Variants in S100Z observed in about 807,000 individuals in gnomAD.
S100Z encodes the protein S100 calcium binding protein Z.
In S100Z, 11 loss-of-function variants were observed where a neutral mutation model predicts 8.5. The observed-to-expected ratio is 1.30, with a 90% CI of 0.82 to 2.15. The LOEUF is 2.15. S100Z is among the 30% of genes most tolerant of loss of function. The pLI, the probability that S100Z is intolerant of heterozygous loss-of-function variation, is 0.00. For missense variants in S100Z, 126 were observed against 117.9 expected, an observed-to-expected ratio of 1.07 and a Z score of -0.32; for synonymous variants, 34 against 43.8, an observed-to-expected ratio of 0.78 and a Z score of 0.89.
intron 4 of S100Z, among the ~76,000 whole-genome samples, chr5:76,919,595 T>C (rs1308143310): frequency 7.6e-6 from 1 of 131,294 alleles, no homozygotes; most frequent in Non-Finnish European, 1.6e-5. Context: ...TCTCTCCCTC[T>C]CTTTCTTTTT....
intron 4 of S100Z, among the ~76,000 whole-genome samples, chr5:76,884,988 C>T (rs567076087): frequency 4.6e-5 from 7 of 152,252 alleles, no homozygotes; most frequent in African/African-American, 9.6e-5. Context: ...AATGCCTGGA[C>T]GTCAGGCACC....
At chr5:76,851,020 G>T (rs1001898907) in intron 1 of S100Z, among the ~76,000 whole-genome samples, 6 of 152,118 alleles carry the variant, frequency 3.9e-5, no homozygotes, top group South Asian at 2.1e-4. Flanking sequence ...TGCCTAGAAG[G>T]GTGCTTGGCC....
chr5:76,906,805 G>C (rs1457299774), intron 4 of S100Z, among the ~76,000 whole-genome samples: 2 of 151,184 alleles, frequency 1.3e-5, no homozygotes, highest in East Asian at 3.9e-4. Context: ...GCTAATTTTT[G>C]TGTTTTTAGT....
rs1336674015 is a variant in S100Z at position 76,919,907 on chromosome 5, A to T, written c.*3-810A>T. Among the ~76,000 whole-genome samples, 199 of 122,172 alleles carry T rather than the reference A, an allele frequency of 1.6e-3. 1 individual carries two copies. The highest frequency in any genetic ancestry group is 3.9e-3 in the African/African-American group (127 of 32,824). The allele number at this position is 122,172 out of a possible 152,430, so 80.1% of individuals were successfully genotyped here. ...GTGTGAACCACCATGCCCAGCTTTC[A>T]TTTTTTTTTTTTTTTTTTTGAGACA... On this transcript the variant is annotated intron_variant, in intron 4 of 4. Coordinates refer to ENST00000317593, the MANE Select transcript of S100Z (RefSeq NM_130772.4).
chr5:76,916,022 G>A (rs1008925973), intron 4 of S100Z, among the ~76,000 whole-genome samples: 3 of 151,984 alleles, frequency 2.0e-5, no homozygotes, highest in Non-Finnish European at 4.4e-5. Flanking sequence ...TTAGCTGGGC[G>A]TGGAGGTACA....
intron 4 of S100Z, among the ~76,000 whole-genome samples, chr5:76,910,948 T>G (rs1744632152): frequency 6.6e-6 from 1 of 152,172 alleles, no homozygotes; most frequent in South Asian, 2.1e-4. Context: ...TTGTTATGCC[T>G]GAAAGTCCCA....
chr5:76,869,734 T>C (rs1223858617), intron 1 of S100Z, among the ~76,000 whole-genome samples: 1 of 152,060 alleles, frequency 6.6e-6, no homozygotes. Context: ...ATTTAAGAAT[T>C]GTGGCTGGGT....
chr5:76,902,351 G>A (rs1744256245), intron 4 of S100Z, among the ~76,000 whole-genome samples: 1 of 152,208 alleles, frequency 6.6e-6, no homozygotes, highest in South Asian at 2.1e-4. Context: ...ACAGAGTGCT[G>A]TAGCGCTCTG....
the S100Z span, among the ~76,000 whole-genome samples, chr5:76,946,519 C>A: frequency 6.6e-6 from 1 of 152,062 alleles, no homozygotes; most frequent in Non-Finnish European, 1.5e-5. Context: ...TTTTGAAATG[C>A]AGTTCTGTAA....
downstream of S100Z, among the ~76,000 whole-genome samples, chr5:76,923,005 T>C (rs562343581): frequency 7.6e-6 from 1 of 131,284 alleles, no homozygotes; most frequent in East Asian, 2.2e-4. Flanking sequence ...GCCCCTACAA[T>C]GCCTATGTAA....
intron 4 of S100Z, among the ~76,000 whole-genome samples, chr5:76,889,170 GCCCCCTT>G (rs1743769218): frequency 2.6e-5 from 4 of 152,178 alleles, no homozygotes; most frequent in African/African-American, 7.2e-5. Flanking sequence ...CGGCTTTGGA[GCCCCCTT>G]CCCTCTGTCT....
At position 76,890,649 on chromosome 5, in the gene S100Z, AAAAC is replaced by A. The variant is rs889497434; in HGVS notation, c.*2+12831_*2+12834del. Among the ~76,000 whole-genome samples, 224 of 152,238 alleles carry A rather than the reference AAAAC, an allele frequency of 1.5e-3. 1 individual carries two copies. Among genetic ancestry groups the A allele is most frequent in the African/African-American group, 5.1e-3 (211 of 41,536 alleles). ...GGTGACAGAGTAAGACCCGGTCTCA[AAAAC>A]AAACAAACAAACAAAAACAGGATTT... On this transcript the variant is annotated intron_variant, in intron 4 of 4. Transcript: ENST00000317593.
chr5:76,852,272 T>C (rs1277469758), intron 1 of S100Z, among the ~76,000 whole-genome samples: 1 of 152,050 alleles, frequency 6.6e-6, no homozygotes, highest in Non-Finnish European at 1.5e-5. Context: ...CTATCAAATG[T>C]AATAAAAAAA....
At chr5:76,923,340 C>T (rs1745081339), downstream of S100Z, among the ~76,000 whole-genome samples, 1 of 152,188 alleles carries the variant, frequency 6.6e-6, no homozygotes, top group Non-Finnish European at 1.5e-5. Context: ...TTAATTGTTT[C>T]CTCTATCACC....
chr5:76,875,231 C>A, intron 2 of S100Z, 73 bp from the exon 3 acceptor site: 1 of 833,784 alleles, frequency 1.2e-6, no homozygotes, highest in Non-Finnish European at 1.8e-6. Context: ...GTGTGGCGAG[C>A]TGACTCGGGG....
At chr5:76,875,269 T>C (rs1425689784) in intron 2 of S100Z, 35 bp from the exon 3 acceptor site, 12 of 1,081,734 alleles carry the variant, frequency 1.1e-5, no homozygotes, top group African/African-American at 1.6e-5. Flanking sequence ...TTAATGAAAG[T>C]GTTGGTGTTT....
intron 3 of S100Z, among the ~76,000 whole-genome samples, chr5:76,876,938 G>A (rs1269799567): frequency 5.3e-5 from 8 of 152,046 alleles, no homozygotes; most frequent in Admixed American, 5.2e-4. Flanking sequence ...CGTGAACCTT[G>A]TCTTCCCTCT....
intron 1 of S100Z, among the ~76,000 whole-genome samples, chr5:76,863,138 T>C (rs1302418377): frequency 6.6e-6 from 1 of 152,186 alleles, no homozygotes; most frequent in East Asian, 1.9e-4. Context: ...GGCAGAAATG[T>C]GGGGTGAATT....
At chr5:76,916,880 C>G (rs1744869178) in intron 4 of S100Z, among the ~76,000 whole-genome samples, 1 of 152,108 alleles carries the variant, frequency 6.6e-6, no homozygotes, top group Non-Finnish European at 1.5e-5. Context: ...AATCCCAATA[C>G]TTTGTGAGGC....
Sources: allele counts gnomAD v4.1 joint callset (sites outside exome capture counted in the v4.1 genomes callset), GRCh38; gene constraint gnomAD v4.1.1; transcripts MANE v1.5; gene names NCBI Gene and HGNC (gene_info 2026-07-23, HGNC 2026-07-21).